TMEM132C: variants seen among roughly 807,000 people sequenced by gnomAD.
TMEM132C encodes the protein transmembrane protein 132C.
A neutral mutation model predicts 61.4 loss-of-function variants in TMEM132C; 29 were observed. The observed-to-expected ratio is 0.47, with a 90% CI of 0.35 to 0.64. The LOEUF is 0.64. Among genes scored for constraint, TMEM132C ranks in the 30% least tolerant of loss-of-function variants. The pLI, the probability that TMEM132C is intolerant of heterozygous loss-of-function variation, is 0.00. For missense variants in TMEM132C, 1,408 were observed against 1,476.9 expected (o/e 0.95, Z 0.76); for synonymous variants, 656 against 633.1 (o/e 1.04, Z -0.54).
At position 128,611,474 on chromosome 12, in the gene TMEM132C, G is replaced by A. The variant is rs112372609; in HGVS notation, c.1122-4678G>A. On this transcript the variant is annotated intron_variant, in intron 3 of 8. Coordinates refer to ENST00000435159, the MANE Select transcript of TMEM132C (RefSeq NM_001136103.3). ...ATTGCAACAGGAATATGTCTGGGGC[G>A]GGAGCGGGGTTAGGGACTGGCTCCA... Among the ~76,000 whole-genome samples the A allele has an allele frequency of 6.3e-3, 957 of 152,230 alleles. 7 individuals carry two copies. The highest frequency in any genetic ancestry group is 0.017 in the Middle Eastern group (5 of 294).
chr12:128,439,773 A>G (rs1389644393), intron 2 of TMEM132C, among the ~76,000 whole-genome samples: 4 of 152,036 alleles, frequency 2.6e-5, no homozygotes, highest in Non-Finnish European at 4.4e-5. Context: ...GGAGGGCACA[A>G]TTGGATTTGA....
At chr12:128,369,261 G>T (rs2135979842) in intron 1 of TMEM132C, among the ~76,000 whole-genome samples, 1 of 152,258 alleles carries the variant, frequency 6.6e-6, no homozygotes, top group East Asian at 1.9e-4. Context: ...TACTTAAAAT[G>T]ATGAGTTTAA....
chr12:128,694,651 T>A (rs1954744679), intron 6 of TMEM132C, among the ~76,000 whole-genome samples: 1 of 152,182 alleles, frequency 6.6e-6, no homozygotes, highest in South Asian at 2.1e-4. Context: ...CAGGGCTCTT[T>A]CCCTGACAGT....
intron 1 of TMEM132C, among the ~76,000 whole-genome samples, chr12:128,269,254 T>C (rs1870428249): frequency 6.6e-6 from 1 of 151,952 alleles, no homozygotes; most frequent in Non-Finnish European, 1.5e-5. Context: ...CTCCTCCGGG[T>C]TTTCACCCCT....
chr12:128,538,287 AT>A (rs1359247995), intron 2 of TMEM132C, among the ~76,000 whole-genome samples: 10 of 137,330 alleles, frequency 7.3e-5, no homozygotes, highest in South Asian at 5.1e-4. Flanking sequence ...TGCCTGGTTA[AT>A]TTTTTTTGTA....
chr12:128,674,634 A>G (rs906869679), intron 5 of TMEM132C, among the ~76,000 whole-genome samples: 1 of 152,174 alleles, frequency 6.6e-6, no homozygotes, highest in African/African-American at 2.4e-5. Flanking sequence ...TGGCAGAGCT[A>G]CAGTGTGCTC....
intron 2 of TMEM132C, among the ~76,000 whole-genome samples, chr12:128,417,002 C>T (rs1002079164): frequency 3.3e-5 from 5 of 152,100 alleles, no homozygotes; most frequent in East Asian, 1.9e-4. Context: ...GGACAGGTCT[C>T]GCTGTCAGCG....
At chr12:128,499,100 A>C (rs2100668) in intron 2 of TMEM132C, among the ~76,000 whole-genome samples, 2,206 of 152,296 alleles carry the variant, frequency 0.014, 56 homozygotes, top group African/African-American at 0.05. Flanking sequence ...GCAAATTTGA[A>C]GAGCTCACAC....
At chr12:128,296,824 C>G (rs903284489) in intron 1 of TMEM132C, among the ~76,000 whole-genome samples, 1 of 152,096 alleles carries the variant, frequency 6.6e-6, no homozygotes, top group African/African-American at 2.4e-5. Flanking sequence ...TTTAAAACAT[C>G]AGGGTTTGAT....
At chr12:128,511,583 C>G (rs1213100923) in intron 2 of TMEM132C, among the ~76,000 whole-genome samples, 1 of 152,212 alleles carries the variant, frequency 6.6e-6, no homozygotes, top group Non-Finnish European at 1.5e-5. Flanking sequence ...CCCTGTGGAG[C>G]CACAGACAGT....
intron 4 of TMEM132C, among the ~76,000 whole-genome samples, chr12:128,648,351 T>C (rs1469183807): frequency 2.0e-5 from 3 of 149,262 alleles, no homozygotes; most frequent in Non-Finnish European, 4.4e-5. Context: ...GCATTGGATA[T>C]GAGCGTGTTT....
intron 1 of TMEM132C, among the ~76,000 whole-genome samples, chr12:128,340,687 C>CTCTT (rs780491093): frequency 1.3e-5 from 2 of 151,958 alleles, no homozygotes; most frequent in Non-Finnish European, 2.9e-5. Flanking sequence ...ATATTCTATG[C>CTCTT]TCTTTCTTTC....
chr12:128,446,673 A>G (rs557917407), intron 2 of TMEM132C, among the ~76,000 whole-genome samples: 9 of 152,284 alleles, frequency 5.9e-5, no homozygotes, highest in Non-Finnish European at 1.2e-4. Flanking sequence ...TTTGTCCTTG[A>G]TTGCTTTTGC....
chr12:128,577,618 C>A (rs983796504), intron 3 of TMEM132C, among the ~76,000 whole-genome samples: 21 of 152,206 alleles, frequency 1.4e-4, no homozygotes, highest in African/African-American at 4.3e-4. Context: ...TTGAACTGTG[C>A]CTCTCGCCAC....
intron 1 of TMEM132C, among the ~76,000 whole-genome samples, chr12:128,280,503 A>G (rs940305306): frequency 3.3e-5 from 5 of 152,226 alleles, no homozygotes; most frequent in African/African-American, 9.6e-5. Context: ...ATATCCTTAT[A>G]TAAGGAAAAC....
At chr12:128,498,229 A>G (rs1051269290) in intron 2 of TMEM132C, among the ~76,000 whole-genome samples, 1 of 152,230 alleles carries the variant, frequency 6.6e-6, no homozygotes, top group Admixed American at 6.5e-5. Flanking sequence ...GAAATGGGAC[A>G]CATACGGCCA....
chr12:128,364,697 G>C (rs538508244), intron 1 of TMEM132C, among the ~76,000 whole-genome samples: 1 of 152,210 alleles, frequency 6.6e-6, no homozygotes, highest in Admixed American at 6.5e-5. Flanking sequence ...GCACCGAGGG[G>C]GTCTGCGGGA....
intron 4 of TMEM132C, among the ~76,000 whole-genome samples, chr12:128,667,118 T>C (rs143374382): frequency 1.7e-3 from 259 of 152,308 alleles, no homozygotes; most frequent in African/African-American, 5.9e-3. Context: ...TAGAGATATA[T>C]ATACATACAC....
chr12:128,625,066 A>G (rs1250346019), intron 4 of TMEM132C, among the ~76,000 whole-genome samples: 1 of 152,200 alleles, frequency 6.6e-6, no homozygotes, highest in African/African-American at 2.4e-5. Flanking sequence ...CATTGCAGCC[A>G]CCCTGCAGGG....
Sources: allele counts gnomAD v4.1 joint callset (sites outside exome capture counted in the v4.1 genomes callset), GRCh38; gene constraint gnomAD v4.1.1; transcripts MANE v1.5; gene names NCBI Gene and HGNC (gene_info 2026-07-23, HGNC 2026-07-21).